Variants in TANGO6 observed in about 807,000 individuals in gnomAD.
The protein encoded by TANGO6 is transport and golgi organization 6 homolog, also known as transport and Golgi organization protein 6 homolog.
Under a neutral mutation model 114.2 loss-of-function variants are expected in TANGO6, and 90 were observed. The observed-to-expected ratio is 0.79, with a 90% CI of 0.66 to 0.94. TANGO6 has a LOEUF of 0.94. Ranked by LOEUF, TANGO6 falls within the 40% of genes least tolerant of loss-of-function variation. TANGO6 has a pLI of 0.00. For missense variants in TANGO6, 1,274 were observed against 1,315.3 expected (o/e 0.97, Z 0.49); for synonymous variants, 477 against 509.8 (o/e 0.94, Z 0.87).
intron 13 of TANGO6, among the ~76,000 whole-genome samples, chr16:68,929,962 G>C (rs1013158150): frequency 2.0e-5 from 3 of 152,200 alleles, no homozygotes; most frequent in African/African-American, 4.8e-5. Context: ...CACCATGGCT[G>C]TCATGGAAAA....
At chr16:68,893,756 C>A (rs921658304) in intron 7 of TANGO6, among the ~76,000 whole-genome samples, 5 of 127,746 alleles carry the variant, frequency 3.9e-5, no homozygotes, top group African/African-American at 6.1e-5. Context: ...AAGAAAACAA[C>A]CAAAAAAAAA....
intron 14 of TANGO6, among the ~76,000 whole-genome samples, chr16:68,950,885 A>T (rs1429365120): frequency 6.6e-6 from 1 of 152,084 alleles, no homozygotes; most frequent in African/African-American, 2.4e-5. Context: ...TAAAAAATTT[A>T]AAAATAACGT....
intron 16 of TANGO6, chr16:69,034,456 G>T: frequency 1.3e-5 from 2 of 155,170 alleles, no homozygotes; most frequent in South Asian, 3.9e-4. Context: ...GGAATGCACT[G>T]ACCATCACAT....
At chr16:68,847,999 CAA>C (rs1329686470) in intron 1 of TANGO6, among the ~76,000 whole-genome samples, 6 of 62,320 alleles carry the variant, frequency 9.6e-5, no homozygotes, top group African/African-American at 1.2e-4. Context: ...GACTCCATCA[CAA>C]AAAAAAAAAA....
At chr16:68,983,756 GGGCGCGGT>G (rs1963863449) in intron 15 of TANGO6, among the ~76,000 whole-genome samples, 1 of 152,094 alleles carries the variant, frequency 6.6e-6, no homozygotes, top group African/African-American at 2.4e-5. Flanking sequence ...TTGTAGGGCC[GGGCGCGGT>G]GGCTCATGCC....
intron 17 of TANGO6, among the ~76,000 whole-genome samples, chr16:69,050,605 C>G (rs1159335692): frequency 2.0e-5 from 3 of 151,824 alleles, no homozygotes; most frequent in Non-Finnish European, 2.9e-5. Context: ...TTCTCCTGCC[C>G]CAGCCTCTTG....
intron 14 of TANGO6, among the ~76,000 whole-genome samples, chr16:68,970,068 G>T (rs1455912709): frequency 6.6e-6 from 1 of 152,154 alleles, no homozygotes; most frequent in African/African-American, 2.4e-5. Context: ...TCCTGAACCA[G>T]TCATGGTGGT....
intron 17 of TANGO6, among the ~76,000 whole-genome samples, chr16:69,042,130 T>C (rs1367181141): frequency 2.0e-5 from 3 of 152,212 alleles, no homozygotes; most frequent in African/African-American, 7.2e-5. Flanking sequence ...ATGTATTTAG[T>C]TGGCACATTG....
chr16:68,916,296 G>T (rs1190853891), intron 11 of TANGO6, among the ~76,000 whole-genome samples: 1 of 152,116 alleles, frequency 6.6e-6, no homozygotes, highest in African/African-American at 2.4e-5. Context: ...GCCGCCTCCT[G>T]TCAGATCAGC....
chr16:68,899,827 G>A (rs1157624503), intron 7 of TANGO6, among the ~76,000 whole-genome samples: 1 of 151,934 alleles, frequency 6.6e-6, no homozygotes, highest in African/African-American at 2.4e-5. Context: ...CTTGAATCCT[G>A]GCCTTAAACA....
rs149021650 is a variant in TANGO6 at position 68,944,403 on chromosome 16, C to A, written c.2701+14108C>A. Among the ~76,000 whole-genome samples the A allele has an allele frequency of 4.1e-3, 617 of 152,264 alleles. 6 individuals are homozygous for A. The highest frequency in any genetic ancestry group is 0.014 in the African/African-American group (585 of 41,542). ...CCAACTGAAGGGAAAAGGAAAAATT[C>A]TTTCACCCAGGCCTCAACCTGGAGG... is the stretch of plus-strand genomic sequence containing the variant. On this transcript the variant is annotated intron_variant, in intron 14 of 17. Transcript: ENST00000261778.
chr16:69,045,933 A>G (rs1026154866), intron 17 of TANGO6, among the ~76,000 whole-genome samples: 2 of 151,082 alleles, frequency 1.3e-5, no homozygotes, highest in African/African-American at 2.4e-5. Context: ...GCGTGGTGTC[A>G]CGCATCTGTA....
At chr16:68,882,289 G>C (rs1431356454) in intron 7 of TANGO6, among the ~76,000 whole-genome samples, 1 of 152,048 alleles carries the variant, frequency 6.6e-6, no homozygotes. Flanking sequence ...GAGGTCAGGA[G>C]ATTGAGACCA....
intron 15 of TANGO6, among the ~76,000 whole-genome samples, chr16:68,976,787 A>G (rs1443046152): frequency 6.6e-6 from 1 of 152,206 alleles, no homozygotes; most frequent in African/African-American, 2.4e-5. Flanking sequence ...CATGGCCTAT[A>G]TCAGATTGTG....
At chr16:69,082,036 G>T (rs891749529) in intron 17 of TANGO6, among the ~76,000 whole-genome samples, 9 of 150,360 alleles carry the variant, frequency 6.0e-5, no homozygotes, top group Admixed American at 6.0e-4. Flanking sequence ...GTTCAGTGGC[G>T]CCATCTCGGC....
intron 15 of TANGO6, among the ~76,000 whole-genome samples, chr16:69,002,901 G>A (rs1217216372): frequency 1.3e-5 from 2 of 151,882 alleles, no homozygotes; most frequent in Non-Finnish European, 2.9e-5. Flanking sequence ...AATTAGTTGG[G>A]TCTGGTGGCA....
At position 69,069,101 on chromosome 16, in the gene TANGO6, G is replaced by A. The variant is rs1960261089; in HGVS notation, c.3109-14384G>A. On this transcript the variant is annotated intron_variant, in intron 17 of 17. Coordinates refer to ENST00000261778, the MANE Select transcript of TANGO6 (RefSeq NM_024562.2). ...TCCCATTTTATAGACGAGATCACTG[G>A]GGTTCCTAGAAGTGAAGTAGTTTGT... is the stretch of plus-strand genomic sequence containing the variant. 2.0e-5 allele frequency among the ~76,000 whole-genome samples: 3 copies of A among 152,216 alleles called. No homozygotes were observed. The South Asian group carries it at 6.2e-4, about 32-fold the overall frequency.
intron 14 of TANGO6, among the ~76,000 whole-genome samples, chr16:68,972,235 A>G (rs1474130002): frequency 6.6e-6 from 1 of 152,002 alleles, no homozygotes; most frequent in Admixed American, 6.6e-5. Flanking sequence ...GAAGCAAGAA[A>G]AGATGGGGGT....
At chr16:68,866,492 G>A (rs902092780) in intron 3 of TANGO6, among the ~76,000 whole-genome samples, 2 of 150,478 alleles carry the variant, frequency 1.3e-5, no homozygotes, top group African/African-American at 2.4e-5. Flanking sequence ...GCGCGGTGGC[G>A]GGCGCCTGTA....
Sources: allele counts gnomAD v4.1 joint callset (sites outside exome capture counted in the v4.1 genomes callset), GRCh38; gene constraint gnomAD v4.1.1; transcripts MANE v1.5; gene names NCBI Gene and HGNC (gene_info 2026-07-23, HGNC 2026-07-21).